The following AP5Z1 variants were observed in gnomAD, a reference collection of about 807,000 sequenced individuals.
AP5Z1 encodes the protein adaptor related protein complex 5 subunit zeta 1.
In AP5Z1, 106 loss-of-function variants were observed where a neutral mutation model predicts 83.0. The observed-to-expected ratio is 1.28, with a 90% confidence interval of 1.09 to 1.50. The LOEUF is 1.50. Ranked by LOEUF, AP5Z1 falls within the 40% of genes most tolerant of loss-of-function variation. The pLI is 0.00. For synonymous variants in AP5Z1, 751 were observed against 514.1 expected, an observed-to-expected ratio of 1.46 and a Z score of -6.23; for missense variants, 1,565 against 1,094.2, an observed-to-expected ratio of 1.43 and a Z score of -6.07.
chr7:4,786,379 T>A lies in AP5Z1; in HGVS notation c.1262T>A (p.Phe421Tyr). ...IQFCRDNLHL[F>Y]SGHLSTLRLS... ...TTCTGCAGGGACAACCTCCACCTGT[T>A]CAGCGGGCACCTCAGCACCCTCAGA... Residue 421 changes from phenylalanine (F) to tyrosine (Y), a missense_variant, in exon 10 of 17, where the codon TTC (phenylalanine) becomes TAC (tyrosine). Transcript: ENST00000649063. 2 of 1,613,908 alleles carry A rather than the reference T, an allele frequency of 1.2e-6. No homozygotes were observed. The highest frequency in any genetic ancestry group is 1.7e-6 in the Non-Finnish European group (2 of 1,179,862).
At chr7:4,783,948 G>A (rs1322026739) in intron 5 of AP5Z1, 150 bp downstream of exon 5, 2 of 961,686 alleles carry the variant, frequency 2.1e-6, no homozygotes, top group East Asian at 2.6e-5. Context: ...GTCAGGCAGG[G>A]CCACAGCCCC....
intron 9 of AP5Z1, among the ~76,000 whole-genome samples, 179 bp downstream of exon 9, chr7:4,785,863 T>C (rs1356343763): frequency 6.7e-6 from 1 of 150,290 alleles, no homozygotes; most frequent in Non-Finnish European, 1.5e-5. Flanking sequence ...TGCCTTGGCC[T>C]CCCAAAGTGC....
intron 1 of AP5Z1, among the ~76,000 whole-genome samples, chr7:4,776,330 A>G (rs944316379): frequency 6.6e-6 from 1 of 151,884 alleles, no homozygotes; most frequent in African/African-American, 2.4e-5. Flanking sequence ...TTCCTCACCA[A>G]CTAACCAGTC....
Position 4,781,269 on chromosome 7 carries a change from C to G in AP5Z1, c.136C>G (p.Gln46Glu). Residue 46 changes from glutamine to glutamate, a missense_variant, in exon 2 of 17, where the codon CAG (glutamine) becomes GAG (glutamate). Gln to Glu is a conservative substitution (Grantham distance 29). Coordinates refer to ENST00000649063, the MANE Select transcript of AP5Z1 (RefSeq NM_014855.3). Reference protein sequence around the residue: ...DLGPDTLDSLQRLFLIISATK... With the variant: ...DLGPDTLDSLERLFLIISATK... ...GGGGCCGGACACCCTCGACTCCCTG[C>G]AGAGGCTCTTCCTCATCATCTCAGC... 1 of 1,613,806 alleles carries G rather than the reference C, an allele frequency of 6.2e-7. No homozygotes were observed. The highest frequency in any genetic ancestry group is 8.5e-7 in the Non-Finnish European group (1 of 1,179,800).
chr7:4,790,289 C>T (rs1012596180), intron 14 of AP5Z1, 170 bp from the exon 15 acceptor site: 24 of 1,544,786 alleles, frequency 1.6e-5, no homozygotes, highest in Admixed American at 5.8e-5. Flanking sequence ...AGCCTTCTCC[C>T]CAGTGAGAAC....
intron 1 of AP5Z1, among the ~76,000 whole-genome samples, chr7:4,780,622 C>T (rs1452700947): frequency 2.6e-5 from 4 of 152,144 alleles, no homozygotes; most frequent in Non-Finnish European, 2.9e-5. Flanking sequence ...AAAAATTAGC[C>T]GGGCGTGGTG....
At chr7:4,779,349 CAT>C (rs940872386) in intron 1 of AP5Z1, among the ~76,000 whole-genome samples, 44 of 144,548 alleles carry the variant, frequency 3.0e-4, no homozygotes, top group Admixed American at 1.4e-3. Flanking sequence ...TAACATATAA[CAT>C]GTTATATATC....
chr7:4,785,359 C>T, intron 7 of AP5Z1, 56 bp from the exon 8 acceptor site: 8 of 1,585,676 alleles, frequency 5.0e-6, no homozygotes, highest in Non-Finnish European at 6.9e-6. Flanking sequence ...GCTGCCCCCT[C>T]ATTGGGCCAC....
rs1781638182 is a variant in AP5Z1, at chr7:4,788,645, C to G, written c.1596-195C>G. ...CCCTCAGCCCACGCCAGCCTTTGTCCCGATGGCTTTACTGTCCCGGGTGTG... is the reference window on the plus strand; with the variant it reads ...CCCTCAGCCCACGCCAGCCTTTGTCGCGATGGCTTTACTGTCCCGGGTGTG... On this transcript the variant is annotated intron_variant, in intron 12 of 16. Coordinates refer to ENST00000649063, the MANE Select transcript of AP5Z1 (RefSeq NM_014855.3). The G allele has an allele frequency of 5.5e-6, 3 of 547,820 alleles. No individual in the cohort carries two copies. In the South Asian group the frequency reaches 8.7e-5, roughly 16 times the overall value. 33.9% of individuals were successfully genotyped at this position (547,820 alleles called of 1,614,324 possible). A position where few individuals can be genotyped will look rare whatever the true frequency, so the allele number is the denominator to read the frequency against.
At position 4,791,531 on chromosome 7, in the gene AP5Z1, A is replaced by G; in HGVS notation, c.*146A>G. On this transcript the variant is annotated 3_prime_UTR_variant, in exon 17 of 17. Coordinates refer to ENST00000649063, the MANE Select transcript of AP5Z1 (RefSeq NM_014855.3). The stretch of plus-strand genomic sequence containing the variant: ...CGGTGGGCTTGGCACCCTCACAGAC[A>G]CGCGGGGCTGGCCCCCCTGCTCACC... 2 of 1,233,450 alleles carry G rather than the reference A, an allele frequency of 1.6e-6. No individual in the cohort carries two copies. Among genetic ancestry groups the G allele is most frequent in the Non-Finnish European group, 2.2e-6 (2 of 904,092 alleles). The allele number at this position is 1,233,450 out of a possible 1,614,324, so 76.4% of individuals were successfully genotyped here. A position where few individuals can be genotyped will look rare whatever the true frequency, so the allele number is the denominator to read the frequency against.
At chr7:4,787,867 CG>C in intron 11 of AP5Z1, 91 bp downstream of exon 11, 1 of 1,409,712 alleles carries the variant, frequency 7.1e-7, no homozygotes, top group South Asian at 1.4e-5. Flanking sequence ...ACCCCTACAC[CG>C]GGGACCCTCC....
At chr7:4,789,742 TGCCCCCCAGCC>T (rs1781687243) in intron 13 of AP5Z1, 79 bp from the exon 14 acceptor site, 1 of 958,272 alleles carries the variant, frequency 1.0e-6, no homozygotes, top group African/African-American at 1.6e-5. Context: ...GCCCCTCACC[TGCCCCCCAGCC>T]CTCACCATGG....
intron 13 of AP5Z1, 62 bp from the exon 14 acceptor site, chr7:4,789,770 C>A: frequency 7.1e-7 from 1 of 1,399,074 alleles, no homozygotes; most frequent in Non-Finnish European, 9.8e-7. Flanking sequence ...ATGGCTTCAC[C>A]CCCAACCTTA....
chr7:4,791,563 G>A lies in AP5Z1; in HGVS notation c.*178G>A. On this transcript the variant is annotated 3_prime_UTR_variant, in exon 17 of 17. Coordinates refer to ENST00000649063, the MANE Select transcript of AP5Z1 (RefSeq NM_014855.3). ...GCTGGCCCCCCTGCTCACCCTCTGG[G>A]CTTTGTCTCCGAGCCTTTTGCTCCC... The A allele has an allele frequency of 1.1e-6, 1 of 945,326 alleles. No individual in the cohort carries two copies. 58.6% of individuals were successfully genotyped at this position (945,326 alleles called of 1,614,324 possible). A position where few individuals can be genotyped will look rare whatever the true frequency, so the allele number is the denominator to read the frequency against.
intron 14 of AP5Z1, 147 bp from the exon 15 acceptor site, chr7:4,790,312 G>A (rs777475571): frequency 1.3e-6 from 2 of 1,548,668 alleles, no homozygotes; most frequent in Non-Finnish European, 1.7e-6. Context: ...TTTCTCTGAG[G>A]CTGGCAGTCT....
chr7:4,783,590 G>A, intron 4 of AP5Z1, 99 bp from the exon 5 acceptor site: 1 of 1,522,928 alleles, frequency 6.6e-7, no homozygotes, highest in Non-Finnish European at 8.9e-7. Context: ...TTGGGACGCT[G>A]CAGGATTCTG....
intron 3 of AP5Z1, among the ~76,000 whole-genome samples, chr7:4,782,081 C>T (rs1781398442): frequency 6.6e-6 from 1 of 152,170 alleles, no homozygotes; most frequent in African/African-American, 2.4e-5. Context: ...GAAACAGGGT[C>T]TCACTCTGCT....
At chr7:4,775,924 G>A (rs1479070422) in intron 1 of AP5Z1, among the ~76,000 whole-genome samples, 168 bp downstream of exon 1, 1 of 152,210 alleles carries the variant, frequency 6.6e-6, no homozygotes, top group African/African-American at 2.4e-5. Context: ...CAGGCTTGGG[G>A]TGAGGAGGTC....
Position 4,791,233 on chromosome 7 carries a change from C to T in AP5Z1, c.2272C>T (p.Leu758=), listed in dbSNP as rs1781761260. ...CCGGGCCACAGAGCTGCTGACCCTG[C>T]TGAAGATGCCTAGCGTGGCCCAGTT... is the stretch of plus-strand genomic sequence containing the variant. ...RTRATELLTL[L]KMPSVAQFVL... Residue 758 remains leucine, a synonymous_variant, in exon 17 of 17, where the codon CTG becomes TTG. Transcript: ENST00000649063. 6.2e-7 allele frequency: 1 copy of T among 1,612,806 alleles called. No individual in the cohort carries two copies. The highest frequency in any genetic ancestry group is 1.1e-5 in the South Asian group (1 of 91,062).
Sources: gnomAD v4.1 joint callset for allele counts (sites outside exome capture counted in the v4.1 genomes callset) on GRCh38, gnomAD v4.1.1 for gene constraint, MANE v1.5 for transcripts, NCBI Gene and HGNC (gene_info 2026-07-23, HGNC 2026-07-21) for gene names.